The following FAM133A variants were observed in gnomAD, a reference collection of about 807,000 sequenced individuals.
FAM133A encodes the protein protein FAM133A.
For missense variants in FAM133A, 159 were observed against 164.4 expected (o/e 0.97, Z 0.18); for synonymous variants, 65 against 58.6 (o/e 1.11, Z -0.50).
rs1927441738 is a variant in FAM133A at position 93,711,501 on chromosome X, A to G, written c.*1335A>G. 8.1e-6 allele frequency: 1 copy of G among 122,991 alleles called. No homozygotes were observed. Among genetic ancestry groups the G allele is most frequent in the African/African-American group, 3.2e-5 (1 of 30,775 alleles). 10.1% of individuals were successfully genotyped at this position (122,991 alleles called of 1,213,427 possible). A position where few individuals can be genotyped will look rare whatever the true frequency, so the allele number is the denominator to read the frequency against. ...TTTTTACTTTACATTTTTATATATC[A>G]GAGTAACATAAATTATAAATTTGTG... On this transcript the variant is annotated 3_prime_UTR_variant, in exon 4 of 4. Transcript: ENST00000683942.
chrX:93,705,377 C>T (rs1926974266), intron 3 of FAM133A, among the ~76,000 whole-genome samples: 1 of 111,682 alleles, frequency 9.0e-6, no homozygotes, highest in African/African-American at 3.2e-5. Context: ...GCTTTTAAAA[C>T]AGAGTATTTG....
intron 3 of FAM133A, among the ~76,000 whole-genome samples, chrX:93,708,082 G>A (rs952604369): frequency 5.3e-5 from 6 of 112,207 alleles, no homozygotes; most frequent in African/African-American, 1.9e-4. Flanking sequence ...ATAAGGTTGA[G>A]CCATAAAAAG....
Position 93,710,034 on chromosome X carries a change from A to G in FAM133A, c.615A>G (p.Gln205=). 8.3e-7 allele frequency: 1 copy of G among 1,205,883 alleles called. No individual in the cohort carries two copies. Among genetic ancestry groups the G allele is most frequent in the Non-Finnish European group, 1.1e-6 (1 of 892,527 alleles). The part of the protein sequence containing the change: ...SSESDYEEDV[Q]AKKKRRCEER... Reference sequence around the variant, plus strand: ...AATCAGATTATGAAGAGGATGTGCAAGCAAAAAAGAAGAGAAGGTGTGAAG... The same window carrying G: ...AATCAGATTATGAAGAGGATGTGCAGGCAAAAAAGAAGAGAAGGTGTGAAG... Residue 205 remains glutamine, a synonymous_variant, in exon 4 of 4, where the codon CAA becomes CAG. Transcript: ENST00000683942.
intron 3 of FAM133A, among the ~76,000 whole-genome samples, chrX:93,704,116 C>G (rs1417872373): frequency 1.8e-5 from 2 of 111,459 alleles, no homozygotes; most frequent in Non-Finnish European, 1.9e-5. Context: ...ATTACACACC[C>G]TTGCTGGAGC....
intron 2 of FAM133A, among the ~76,000 whole-genome samples, chrX:93,682,191 G>A (rs1396751447): frequency 8.9e-6 from 1 of 111,836 alleles, no homozygotes; most frequent in Non-Finnish European, 1.9e-5. Context: ...GTAGAATGGG[G>A]ATAATAATAG....
chrX:93,694,812 C>T (rs962546920), intron 2 of FAM133A, among the ~76,000 whole-genome samples: 1 of 110,782 alleles, frequency 9.0e-6, no homozygotes, highest in African/African-American at 3.3e-5. Flanking sequence ...ATTCCAGGCT[C>T]ACCAAGGAAA....
intron 3 of FAM133A, 131 bp downstream of exon 3, chrX:93,698,616 G>C (rs1242788464): frequency 8.9e-6 from 1 of 111,824 alleles, no homozygotes; most frequent in Non-Finnish European, 1.9e-5. Flanking sequence ...GAGAGGAAAA[G>C]TTCCCATGGA....
chrX:93,673,888 C>T (rs1213412471), upstream of FAM133A: 2 of 104,010 alleles, frequency 1.9e-5, no homozygotes, highest in African/African-American at 7.1e-5. Context: ...AAATACCAGC[C>T]ATAGTTCCTA....
intron 2 of FAM133A, among the ~76,000 whole-genome samples, chrX:93,693,660 A>G (rs1926037691): frequency 9.0e-6 from 1 of 111,574 alleles, no homozygotes; most frequent in Admixed American, 9.5e-5. Flanking sequence ...CTATGGTTTC[A>G]TAACCATTAC....
At chrX:93,686,107 CAAAAAAAAA>C (rs762274763) in intron 2 of FAM133A, among the ~76,000 whole-genome samples, 1 of 37,517 alleles carries the variant, frequency 2.7e-5, no homozygotes, top group Non-Finnish European at 4.2e-5. Context: ...GACTCCATCT[CAAAAAAAAA>C]AAAAAAAAAA....
Position 93,710,862 on chromosome X carries a change from C to G in FAM133A, c.*696C>G, listed in dbSNP as rs1055876118. 1.6e-5 allele frequency: 2 copies of G among 123,223 alleles called. No individual in the cohort carries two copies. The highest frequency in any genetic ancestry group is 3.8e-5 in the Non-Finnish European group (2 of 53,218). The allele number at this position is 123,223 out of a possible 1,213,427, so 10.2% of individuals were successfully genotyped here. Reference sequence around the variant, plus strand: ...TATGAAATTTACCTCTTCTTCAGCACTGTTTACTATACAGTACTGAATAAT... The same window carrying G: ...TATGAAATTTACCTCTTCTTCAGCAGTGTTTACTATACAGTACTGAATAAT... On this transcript the variant is annotated 3_prime_UTR_variant, in exon 4 of 4. Coordinates refer to ENST00000683942, the MANE Select transcript of FAM133A (RefSeq NM_001171109.2).
chrX:93,697,492 TTAACC>T (rs1926385115), intron 2 of FAM133A, among the ~76,000 whole-genome samples: 1 of 111,544 alleles, frequency 9.0e-6, no homozygotes, highest in Non-Finnish European at 1.9e-5. Flanking sequence ...CCATTACCTG[TTAACC>T]AGGTAACACT....
At chrX:93,696,975 G>A (rs1245334017) in intron 2 of FAM133A, among the ~76,000 whole-genome samples, 1 of 109,159 alleles carries the variant, frequency 9.2e-6, no homozygotes, top group African/African-American at 3.3e-5. Context: ...GGAAGTGTAC[G>A]AACTAGAGTT....
intron 3 of FAM133A, among the ~76,000 whole-genome samples, chrX:93,709,086 G>T (rs1185132405): frequency 4.5e-5 from 5 of 111,695 alleles, no homozygotes; most frequent in African/African-American, 1.6e-4. Context: ...TTAGGTATCT[G>T]TCAGAATCTT....
chrX:93,703,797 A>G (rs1012479741), intron 3 of FAM133A, among the ~76,000 whole-genome samples: 2 of 112,376 alleles, frequency 1.8e-5, no homozygotes, highest in Admixed American at 9.4e-5. Flanking sequence ...TGTTGCTTCT[A>G]TAAGCTTTCA....
intron 1 of FAM133A, 34 bp from the exon 2 acceptor site, chrX:93,674,647 T>C (rs904938725): frequency 1.8e-5 from 2 of 111,950 alleles, no homozygotes; most frequent in African/African-American, 6.5e-5. Context: ...CAAAATGAAG[T>C]TTAAAAACGA....
chrX:93,707,479 C>A (rs1009015404), intron 3 of FAM133A, among the ~76,000 whole-genome samples: 19 of 111,002 alleles, frequency 1.7e-4, no homozygotes, highest in African/African-American at 6.2e-4. Flanking sequence ...ATATAAAAGA[C>A]TTTATTGGCT....
intron 2 of FAM133A, among the ~76,000 whole-genome samples, chrX:93,677,027 A>G (rs757272093): frequency 2.7e-5 from 3 of 110,050 alleles, no homozygotes; most frequent in African/African-American, 9.8e-5. Context: ...GATGCATTAT[A>G]TCCTATTTGT....
In FAM133A at chrX:93,695,633, G is replaced by A. The variant is rs868670454; in HGVS notation, c.-192-2764G>A. On this transcript the variant is annotated intron_variant, in intron 2 of 3. Coordinates refer to ENST00000683942, the MANE Select transcript of FAM133A (RefSeq NM_001171109.2). Reference sequence around the variant, plus strand: ...GGTCTGGGATGAAACACAGGAATCTGCTTTTTTTTTTTTTTTTTTTTTTTT... The same window carrying A: ...GGTCTGGGATGAAACACAGGAATCTACTTTTTTTTTTTTTTTTTTTTTTTT... Among the ~76,000 whole-genome samples, 4 of 66,555 alleles carry A rather than the reference G, an allele frequency of 6.0e-5. No homozygotes were observed. In the South Asian group the frequency reaches 2.9e-3, roughly 48 times the overall value. 57.8% of individuals were successfully genotyped at this position (66,555 alleles called of 115,157 possible). A position where few individuals can be genotyped will look rare whatever the true frequency, so the allele number is the denominator to read the frequency against.
Sources: allele counts gnomAD v4.1 joint callset (sites outside exome capture counted in the v4.1 genomes callset), GRCh38; gene constraint gnomAD v4.1.1; transcripts MANE v1.5; gene names NCBI Gene and HGNC (gene_info 2026-07-23, HGNC 2026-07-21).